Variants in GPC6 observed in about 807,000 individuals in gnomAD.
GPC6 encodes glypican-6.
A neutral mutation model predicts 55.2 loss-of-function variants in GPC6; 14 were observed. The observed-to-expected ratio is 0.25, with a 90% confidence interval of 0.17 to 0.40. GPC6 has a LOEUF of 0.40. GPC6 is among the 10% of genes least tolerant of loss of function. GPC6 has a pLI of 1.00. For synonymous variants in GPC6, 278 were observed against 259.6 expected (o/e 1.07, Z -0.68); for missense variants, 641 against 708.5 (o/e 0.90, Z 1.08).
At chr13:93,621,265 T>C (rs1324507101) in intron 2 of GPC6, among the ~76,000 whole-genome samples, 1 of 152,184 alleles carries the variant, frequency 6.6e-6, no homozygotes, top group Non-Finnish European at 1.5e-5. Context: ...CGGTGATCCA[T>C]GGCACTTGTT....
At chr13:94,196,266 T>G (rs1205641763) in intron 4 of GPC6, among the ~76,000 whole-genome samples, 4 of 151,990 alleles carry the variant, frequency 2.6e-5, no homozygotes, top group African/African-American at 9.7e-5. Flanking sequence ...ACTAAGAAAT[T>G]TTTTAAAATT....
At chr13:93,889,117 G>A (rs1313671416) in intron 3 of GPC6, among the ~76,000 whole-genome samples, 1 of 151,920 alleles carries the variant, frequency 6.6e-6, no homozygotes, top group Non-Finnish European at 1.5e-5. Context: ...TAAAATATAT[G>A]GTTGATATGT....
intron 2 of GPC6, among the ~76,000 whole-genome samples, chr13:93,788,197 G>A (rs531259807): frequency 6.6e-6 from 1 of 152,272 alleles, no homozygotes; most frequent in East Asian, 1.9e-4. Context: ...ATTGTCTGGT[G>A]AAGGCTGCTC....
chr13:94,301,039 T>C (rs747312583), intron 5 of GPC6, among the ~76,000 whole-genome samples: 5 of 152,172 alleles, frequency 3.3e-5, no homozygotes, highest in Admixed American at 6.5e-5. Context: ...ACCAGTCTTA[T>C]GAGAACCCCA....
intron 4 of GPC6, among the ~76,000 whole-genome samples, chr13:94,062,170 A>G (rs1884354290): frequency 6.6e-6 from 1 of 152,310 alleles, no homozygotes; most frequent in South Asian, 2.1e-4. Flanking sequence ...GGAAACTTAC[A>G]GTAGCAAAAT....
intron 1 of GPC6, among the ~76,000 whole-genome samples, chr13:93,288,431 TCTC>T (rs1226998908): frequency 4.6e-5 from 7 of 152,192 alleles, no homozygotes; most frequent in African/African-American, 9.6e-5. Flanking sequence ...AACATTAACA[TCTC>T]CTCAAAGTCT....
rs553498599 is a variant in GPC6 at position 93,444,612 on chromosome 13, AAAC to A, written c.161-100636_161-100634del. Among the ~76,000 whole-genome samples, 6 of 152,128 alleles carry A rather than the reference AAAC, an allele frequency of 3.9e-5. No individual in the cohort carries two copies. The South Asian group carries it at 1.2e-3, about 32-fold the overall frequency. ...ACAGAGCAAGACTCCATCTCAAAAC[AAAC>A]AACAACAACAACAATAAAAACATGC... On this transcript the variant is annotated intron_variant, in intron 1 of 8. Transcript: ENST00000377047.
chr13:93,763,428 G>A (rs1357324108), intron 2 of GPC6, among the ~76,000 whole-genome samples: 1 of 152,324 alleles, frequency 6.6e-6, no homozygotes, highest in East Asian at 1.9e-4. Context: ...TGAAGCCCCA[G>A]AAGGGCTACT....
At chr13:93,920,495 A>G (rs1208433159) in intron 3 of GPC6, among the ~76,000 whole-genome samples, 1 of 152,172 alleles carries the variant, frequency 6.6e-6, no homozygotes, top group Admixed American at 6.5e-5. Context: ...CTCAAGTTTA[A>G]CAGGTTCAAA....
intron 1 of GPC6, among the ~76,000 whole-genome samples, chr13:93,246,024 G>A (rs929970142): frequency 1.3e-5 from 2 of 152,138 alleles, no homozygotes; most frequent in East Asian, 3.9e-4. Context: ...CCTTCTGTTG[G>A]TACCTATGAC....
chr13:94,102,666 T>C (rs533661973), intron 4 of GPC6, among the ~76,000 whole-genome samples: 12 of 152,086 alleles, frequency 7.9e-5, no homozygotes, highest in Non-Finnish European at 1.6e-4. Flanking sequence ...TGTGTGTCTA[T>C]TTAGGAAAAA....
chr13:93,879,122 G>A lies in GPC6; in HGVS notation c.711+48577G>A, dbSNP rs527260955. On this transcript the variant is annotated intron_variant, in intron 3 of 8. Coordinates refer to ENST00000377047, the MANE Select transcript of GPC6 (RefSeq NM_005708.5). ...CTGATACCCTTTCTTCCAGTTGATC[G>A]CATCGGCTCCTGAGGCTTCTGCATT... is the stretch of plus-strand genomic sequence containing the variant. Among the ~76,000 whole-genome samples the A allele has an allele frequency of 5.0e-3, 765 of 152,080 alleles. 10 individuals are homozygous for A. Among genetic ancestry groups the A allele is most frequent in the African/African-American group, 0.018 (731 of 41,514 alleles).
At chr13:93,771,354 CTGTT>C (rs1159864724) in intron 2 of GPC6, among the ~76,000 whole-genome samples, 1 of 152,156 alleles carries the variant, frequency 6.6e-6, no homozygotes, top group Non-Finnish European at 1.5e-5. Flanking sequence ...TTATACATGA[CTGTT>C]TGTCTCATTT....
intron 3 of GPC6, among the ~76,000 whole-genome samples, chr13:93,930,074 G>A (rs1174478537): frequency 1.3e-5 from 2 of 151,754 alleles, no homozygotes; most frequent in East Asian, 1.9e-4. Context: ...AAAATGCCAA[G>A]ACAAAACACA....
intron 3 of GPC6, among the ~76,000 whole-genome samples, chr13:93,891,335 T>G (rs545384188): frequency 6.6e-6 from 1 of 152,280 alleles, no homozygotes; most frequent in East Asian, 1.9e-4. Context: ...TAGGTGAGGT[T>G]GCTTTGTTTG....
intron 1 of GPC6, among the ~76,000 whole-genome samples, chr13:93,414,304 T>G (rs1323988): frequency 0.12 from 18,311 of 152,154 alleles, 1,189 homozygotes; most frequent in South Asian, 0.14. Flanking sequence ...CTCCATCAAT[T>G]CTACACAGTT....
chr13:93,688,624 G>A (rs1882141307), intron 2 of GPC6, among the ~76,000 whole-genome samples: 1 of 152,048 alleles, frequency 6.6e-6, no homozygotes, highest in African/African-American at 2.4e-5. Flanking sequence ...ATCCTACAAT[G>A]TGGATGAATC....
At chr13:93,794,403 C>A (rs1442536543) in intron 2 of GPC6, among the ~76,000 whole-genome samples, 1 of 152,202 alleles carries the variant, frequency 6.6e-6, no homozygotes, top group African/African-American at 2.4e-5. Context: ...TTCACACACC[C>A]TGTGGGTGAT....
chr13:93,423,307 C>T (rs1251970300), intron 1 of GPC6, among the ~76,000 whole-genome samples: 1 of 152,132 alleles, frequency 6.6e-6, no homozygotes, highest in Non-Finnish European at 1.5e-5. Flanking sequence ...AACATGTTCT[C>T]TAAGCAGGAC....
Sources: allele counts gnomAD v4.1 joint callset (sites outside exome capture counted in the v4.1 genomes callset), GRCh38; gene constraint gnomAD v4.1.1; transcripts MANE v1.5; gene names NCBI Gene and HGNC (gene_info 2026-07-23, HGNC 2026-07-21).